ALPK1: variants seen among roughly 807,000 people sequenced by gnomAD.
ALPK1 encodes the protein alpha-protein kinase 1.
In ALPK1, 110 loss-of-function variants were observed where a neutral mutation model predicts 120.6. The ratio of observed to expected loss-of-function variants is 0.91; its 90% CI spans 0.78 to 1.07. ALPK1 has a LOEUF of 1.07. ALPK1 is among the 50% of genes least tolerant of loss of function. ALPK1 has a pLI of 0.00. For missense variants in ALPK1, 1,498 were observed against 1,483.9 expected (o/e 1.01, Z -0.16); for synonymous variants, 582 against 560.3 (o/e 1.04, Z -0.55).
At chr4:112,337,850 T>G (rs1446008498) in intron 2 of ALPK1, among the ~76,000 whole-genome samples, 1 of 152,258 alleles carries the variant, frequency 6.6e-6, no homozygotes, top group East Asian at 1.9e-4. Flanking sequence ...CTCTTAAGCC[T>G]ACTATACTGT....
At chr4:112,348,829 G>A (rs143895078) in intron 2 of ALPK1, among the ~76,000 whole-genome samples, 5 of 152,310 alleles carry the variant, frequency 3.3e-5, no homozygotes, top group African/African-American at 1.2e-4. Flanking sequence ...ACCCCTAGGC[G>A]CCTTTGACAT....
At chr4:112,334,897 A>C (rs1729543360) in intron 2 of ALPK1, among the ~76,000 whole-genome samples, 1 of 152,236 alleles carries the variant, frequency 6.6e-6, no homozygotes, top group Non-Finnish European at 1.5e-5. Context: ...GGAAAATTGG[A>C]TAACAAAGGT....
intron 4 of ALPK1, among the ~76,000 whole-genome samples, chr4:112,404,768 G>T (rs1733090572): frequency 6.6e-6 from 1 of 152,154 alleles, no homozygotes; most frequent in African/African-American, 2.4e-5. Flanking sequence ...ACATTTTTGT[G>T]TGCCTATAAA....
At chr4:112,304,868 T>G (rs528217085) in intron 1 of ALPK1, among the ~76,000 whole-genome samples, 6 of 152,224 alleles carry the variant, frequency 3.9e-5, no homozygotes, top group African/African-American at 1.2e-4. Flanking sequence ...TCTTCTAGGG[T>G]TTTTATGGAT....
At position 112,441,844 on chromosome 4, in the gene ALPK1, C is replaced by G. The variant is rs563819570; in HGVS notation, c.*634C>G. 6.6e-6 allele frequency: 1 copy of G among 152,628 alleles called. No individual in the cohort carries two copies. Among genetic ancestry groups the G allele is most frequent in the South Asian group, 2.1e-4 (1 of 4,824 alleles). The allele number at this position is 152,628 out of a possible 1,614,324, so 9.5% of individuals were successfully genotyped here. A position where few individuals can be genotyped will look rare whatever the true frequency, so the allele number is the denominator to read the frequency against. On this transcript the variant is annotated 3_prime_UTR_variant, in exon 16 of 16. Transcript: ENST00000650871. ...GAAGAGTGGTACAGTTTTCTTTATC[C>G]AGTCTGTCCTTGATGGGCATTTAGG...
chr4:112,387,034 C>A (rs1021958183), intron 4 of ALPK1, among the ~76,000 whole-genome samples: 2 of 152,102 alleles, frequency 1.3e-5, no homozygotes, highest in Admixed American at 1.3e-4. Context: ...TTCAGCAAAA[C>A]CTTTGATGGA....
At chr4:112,347,110 T>C (rs1003721928) in intron 2 of ALPK1, among the ~76,000 whole-genome samples, 3 of 152,252 alleles carry the variant, frequency 2.0e-5, no homozygotes, top group African/African-American at 7.2e-5. Context: ...TTCAGTGTTT[T>C]AAAATTTGAG....
At chr4:112,362,536 G>GA (rs1453303121) in intron 2 of ALPK1, among the ~76,000 whole-genome samples, 1 of 151,492 alleles carries the variant, frequency 6.6e-6, no homozygotes, top group Non-Finnish European at 1.5e-5. Flanking sequence ...GACAGACAAA[G>GA]AAAAAAGAAT....
intron 2 of ALPK1, among the ~76,000 whole-genome samples, chr4:112,362,807 A>T (rs1730970651): frequency 6.6e-6 from 1 of 152,220 alleles, no homozygotes; most frequent in Non-Finnish European, 1.5e-5. Context: ...AGCCAAGACG[A>T]AGGAAAGAAT....
intron 5 of ALPK1, among the ~76,000 whole-genome samples, chr4:112,413,275 A>G (rs1220632645): frequency 6.6e-6 from 1 of 152,200 alleles, no homozygotes; most frequent in East Asian, 1.9e-4. Context: ...TCTCATCAAG[A>G]AGAGCTTGGA....
At chr4:112,304,207 C>T (rs1366822731) in intron 1 of ALPK1, among the ~76,000 whole-genome samples, 2 of 152,082 alleles carry the variant, frequency 1.3e-5, no homozygotes, top group African/African-American at 2.4e-5. Flanking sequence ...CCACAATAAA[C>T]ATACGTGTGC....
intron 2 of ALPK1, among the ~76,000 whole-genome samples, chr4:112,332,130 G>A (rs760519668): frequency 2.6e-5 from 4 of 152,138 alleles, no homozygotes; most frequent in South Asian, 2.1e-4. Flanking sequence ...GGTCCCAAGG[G>A]CTAAGTGGCA....
intron 2 of ALPK1, chr4:112,356,401 A>G: frequency 1.2e-6 from 1 of 846,772 alleles, no homozygotes; most frequent in Non-Finnish European, 2.1e-6. Flanking sequence ...TCCTGGGGCA[A>G]TGCTGCTGCT....
chr4:112,309,165 G>A (rs935263612), intron 1 of ALPK1, among the ~76,000 whole-genome samples: 1 of 152,102 alleles, frequency 6.6e-6, no homozygotes, highest in Non-Finnish European at 1.5e-5. Context: ...CTTACTGGAG[G>A]GTGCCTCCCA....
rs368013544 is a variant in ALPK1, at chr4:112,320,875, T to C, written c.-101+5023T>C. On this transcript the variant is annotated intron_variant, in intron 2 of 15. Transcript: ENST00000650871. ...ATCTTTTGTATTTCTGTGATATTGG[T>C]TGTAATATCACCCATTTCTTTCTTT... 7.3e-5 allele frequency among the ~76,000 whole-genome samples: 11 copies of C among 151,668 alleles called. No homozygotes were observed. The East Asian group carries it at 2.1e-3, about 29-fold the overall frequency.
chr4:112,357,030 C>T (rs753095423), intron 2 of ALPK1: 99 of 812,736 alleles, frequency 1.2e-4, no homozygotes, highest in South Asian at 1.8e-4. Flanking sequence ...GAGTTCAGCG[C>T]GGACCCCACC....
chr4:112,331,217 T>A (rs528871393), intron 2 of ALPK1, among the ~76,000 whole-genome samples: 1 of 152,120 alleles, frequency 6.6e-6, no homozygotes, highest in Admixed American at 6.5e-5. Flanking sequence ...ATAGTGAGAG[T>A]AGGGAGACAG....
At chr4:112,362,309 G>C (rs1730950329) in intron 2 of ALPK1, among the ~76,000 whole-genome samples, 1 of 152,172 alleles carries the variant, frequency 6.6e-6, no homozygotes, top group Non-Finnish European at 1.5e-5. Flanking sequence ...CCAGAGAAAG[G>C]TGAAGTCCAG....
chr4:112,327,540 TCCC>T (rs1729166896), intron 2 of ALPK1, among the ~76,000 whole-genome samples: 1 of 152,104 alleles, frequency 6.6e-6, no homozygotes, highest in African/African-American at 2.4e-5. Context: ...GCTTAAGGGA[TCCC>T]CCCGACCTCA....
Sources: allele counts gnomAD v4.1 joint callset (sites outside exome capture counted in the v4.1 genomes callset), GRCh38; gene constraint gnomAD v4.1.1; transcripts MANE v1.5; gene names NCBI Gene and HGNC (gene_info 2026-07-23, HGNC 2026-07-21).